The following NPAS3 variants were observed in gnomAD, a reference collection of about 807,000 sequenced individuals.
The protein encoded by NPAS3 is neuronal PAS domain protein 3, also known as neuronal PAS domain-containing protein 3.
In NPAS3, 14 loss-of-function variants were observed where a neutral mutation model predicts 73.1. The observed-to-expected ratio is 0.19, with a 90% confidence interval of 0.13 to 0.30. The LOEUF is 0.30. Ranked by LOEUF, NPAS3 falls within the 10% of genes least tolerant of loss-of-function variation. The pLI, the probability that NPAS3 is intolerant of heterozygous loss-of-function variation, is 1.00. For missense variants in NPAS3, 1,096 were observed against 1,250.0 expected (o/e 0.88, Z 1.86); for synonymous variants, 620 against 541.5 (o/e 1.14, Z -2.01).
intron 11 of NPAS3, among the ~76,000 whole-genome samples, chr14:33,799,194 G>A (rs2138674467): frequency 6.6e-6 from 1 of 152,200 alleles, no homozygotes; most frequent in Admixed American, 6.5e-5. Flanking sequence ...GAATCAGATG[G>A]TGGTAAGTGC....
chr14:33,800,502 G>A lies in NPAS3; in HGVS notation c.2195G>A (p.Gly732Asp). Residue 732 changes from glycine to aspartate, a missense_variant, in exon 12 of 12, where the codon GGC becomes GAC. Physicochemically the swap from Gly to Asp is moderately conservative, Grantham distance 94. Around this residue, in one of 5 missense-constraint regions of NPAS3, gnomAD observed 698 missense variants for 676.7 expected, o/e 1.03. Transcript: ENST00000356141. The surrounding 1 kb of genome is among the most constrained non-coding windows in gnomAD (Gnocchi z 6.5). ...GCGGCCGCCCGCAAGACTCAGTTCG[G>A]CGCCTCGGCCACCGCGGCCCTGGCC... 1 of 1,441,078 alleles carries A rather than the reference G, an allele frequency of 6.9e-7. No homozygotes were observed. The highest frequency in any genetic ancestry group is 9.1e-7 in the Non-Finnish European group (1 of 1,104,864). The allele number at this position is 1,441,078 out of a possible 1,614,324, so 89.3% of individuals were successfully genotyped here. A position where few individuals can be genotyped will look rare whatever the true frequency, so the allele number is the denominator to read the frequency against.
At chr14:33,324,463 C>T (rs760728481) in intron 3 of NPAS3, among the ~76,000 whole-genome samples, 13 of 152,276 alleles carry the variant, frequency 8.5e-5, no homozygotes, top group Admixed American at 2.0e-4. Flanking sequence ...GTGTGATTAT[C>T]GGATTGCCCT....
intron 3 of NPAS3, among the ~76,000 whole-genome samples, chr14:33,278,313 T>C (rs1056145549): frequency 2.0e-5 from 3 of 152,110 alleles, no homozygotes; most frequent in Non-Finnish European, 4.4e-5. Context: ...GTTATCAGTA[T>C]GTATCTGGCA....
intron 1 of NPAS3, among the ~76,000 whole-genome samples, chr14:33,051,332 A>G (rs1430015216): frequency 6.6e-6 from 1 of 151,478 alleles, no homozygotes; most frequent in Non-Finnish European, 1.5e-5. Context: ...ACCACCTACT[A>G]AGTGGCAGAC....
chr14:33,740,465 T>C (rs2061628704), intron 7 of NPAS3, among the ~76,000 whole-genome samples: 1 of 152,346 alleles, frequency 6.6e-6, no homozygotes, highest in South Asian at 2.1e-4. Context: ...TTAATTGAAT[T>C]GCATGCTCTC....
chr14:33,599,499 T>C (rs188837158), intron 5 of NPAS3, among the ~76,000 whole-genome samples: 4 of 152,326 alleles, frequency 2.6e-5, no homozygotes, highest in African/African-American at 9.6e-5. Context: ...ATAATAAATA[T>C]GGACTAAATT....
chr14:33,003,056 C>A (rs1441066459), intron 1 of NPAS3, among the ~76,000 whole-genome samples: 1 of 150,970 alleles, frequency 6.6e-6, no homozygotes, highest in Non-Finnish European at 1.5e-5. Context: ...TGATTTCATT[C>A]GTAATTTTTG....
At chr14:33,467,989 T>G (rs1172941548) in intron 4 of NPAS3, among the ~76,000 whole-genome samples, 1 of 152,054 alleles carries the variant, frequency 6.6e-6, no homozygotes, top group Non-Finnish European at 1.5e-5. Flanking sequence ...GCAAAACCCT[T>G]AAACTAGAAC....
intron 1 of NPAS3, among the ~76,000 whole-genome samples, chr14:32,952,690 A>T (rs1007696862): frequency 1.3e-4 from 20 of 152,158 alleles, no homozygotes; most frequent in Middle Eastern, 3.2e-3. Context: ...TTCATTGCTA[A>T]CCATATTTTT....
intron 1 of NPAS3, among the ~76,000 whole-genome samples, chr14:32,954,583 C>T (rs1367801699): frequency 6.6e-6 from 1 of 151,988 alleles, no homozygotes; most frequent in Non-Finnish European, 1.5e-5. Flanking sequence ...TTCTGGGGCC[C>T]CTCCATTTCC....
intron 9 of NPAS3, among the ~76,000 whole-genome samples, chr14:33,793,494 C>T (rs2063423942): frequency 6.6e-6 from 1 of 152,180 alleles, no homozygotes; most frequent in Admixed American, 6.5e-5. Flanking sequence ...TTCAAATATC[C>T]AGAATCTCAA....
At chr14:33,393,581 T>C (rs543163676) in intron 4 of NPAS3, among the ~76,000 whole-genome samples, 42 of 152,286 alleles carry the variant, frequency 2.8e-4, no homozygotes, top group African/African-American at 9.4e-4. Context: ...GAGGAAACTT[T>C]AATTACTCAT....
intron 2 of NPAS3, among the ~76,000 whole-genome samples, chr14:33,186,719 A>C (rs1432510600): frequency 6.6e-6 from 1 of 152,094 alleles, no homozygotes; most frequent in Non-Finnish European, 1.5e-5. Context: ...CCCACACCTA[A>C]TTCATCAGCA....
At chr14:33,642,644 C>T (rs2058705095) in intron 5 of NPAS3, among the ~76,000 whole-genome samples, 1 of 152,114 alleles carries the variant, frequency 6.6e-6, no homozygotes. Flanking sequence ...TTTAGACTTG[C>T]TCTGTCTTTT....
chr14:33,330,059 A>G (rs373718656), intron 3 of NPAS3, among the ~76,000 whole-genome samples: 1 of 152,136 alleles, frequency 6.6e-6, no homozygotes, highest in South Asian at 2.1e-4. Flanking sequence ...CCTGGCCAAC[A>G]TGGCAAAACC....
chr14:33,110,040 C>G (rs1349341534), intron 2 of NPAS3, among the ~76,000 whole-genome samples: 2 of 151,854 alleles, frequency 1.3e-5, no homozygotes, highest in Admixed American at 6.6e-5. Flanking sequence ...TTTCTGTGTC[C>G]TGGCCGAGAG....
chr14:33,578,682 T>C (rs527421522), intron 5 of NPAS3, among the ~76,000 whole-genome samples: 1 of 151,880 alleles, frequency 6.6e-6, no homozygotes, highest in African/African-American at 2.4e-5. Context: ...CAATCAGGGG[T>C]TTTCCAATGG....
intron 2 of NPAS3, among the ~76,000 whole-genome samples, chr14:33,064,762 C>T (rs2041223094): frequency 6.6e-6 from 1 of 152,154 alleles, no homozygotes; most frequent in South Asian, 2.1e-4. Context: ...CACAGATCAC[C>T]ACTGTTAACA....
At chr14:33,323,996 A>C (rs188080217) in intron 3 of NPAS3, among the ~76,000 whole-genome samples, 182 of 152,344 alleles carry the variant, frequency 1.2e-3, no homozygotes, top group Admixed American at 2.2e-3. Context: ...TTTGATTTTA[A>C]AATCAGTTTT....
Sources: allele counts gnomAD v4.1 joint callset (sites outside exome capture counted in the v4.1 genomes callset), GRCh38; gene constraint gnomAD v4.1.1; regional missense constraint gnomAD v4.1.1; non-coding constraint Gnocchi (gnomAD v3.1); transcripts MANE v1.5; gene names NCBI Gene and HGNC (gene_info 2026-07-23, HGNC 2026-07-21).